Variants in CMIP observed in about 807,000 individuals in gnomAD.
CMIP encodes C-Maf-inducing protein.
A neutral mutation model predicts 97.3 loss-of-function variants in CMIP; 13 were observed. The observed-to-expected ratio is 0.13, with a 90% CI of 0.09 to 0.21. The LOEUF (loss-of-function observed/expected upper bound fraction) is 0.21. Among genes scored for constraint, CMIP ranks in the 10% least tolerant of loss-of-function variants. CMIP has a pLI of 1.00. For missense variants in CMIP, 847 were observed against 1,024.9 expected (o/e 0.83, Z 2.37); for synonymous variants, 538 against 436.3 (o/e 1.23, Z -2.91).
In CMIP at chr16:81,673,514, TC is replaced by T. The variant is rs755555682; in HGVS notation, c.1034+1445del. On this transcript the variant is annotated intron_variant, in intron 9 of 20. Transcript: ENST00000537098. ...CTGTGCAACAGAGTGAGACTCCTTCTCAAAAATAAATAAATAAATAAATAAG... is the reference window on the plus strand; with the variant it reads ...CTGTGCAACAGAGTGAGACTCCTTCTAAAAATAAATAAATAAATAAATAAG... 8.8e-3 allele frequency among the ~76,000 whole-genome samples: 1,149 copies of T among 130,264 alleles called. 25 individuals are homozygous for T. The East Asian group carries it at 0.097, about 11-fold the overall frequency. The allele number at this position is 130,264 out of a possible 152,430, so 85.5% of individuals were successfully genotyped here.
At chr16:81,683,647 C>A (rs574367588) in intron 10 of CMIP, among the ~76,000 whole-genome samples, 46 of 151,986 alleles carry the variant, frequency 3.0e-4, no homozygotes, top group African/African-American at 1.1e-3. Context: ...ACCTCAGCCT[C>A]CCAAAGATTA....
intron 12 of CMIP, 102 bp from the exon 13 acceptor site, chr16:81,693,337 G>A (rs1222613431): frequency 6.6e-7 from 1 of 1,504,052 alleles, no homozygotes; most frequent in Non-Finnish European, 9.1e-7. Context: ...GCCTTGCCCA[G>A]CTCCCTGGCC....
At chr16:81,591,171 T>A (rs2091461272) in intron 1 of CMIP, among the ~76,000 whole-genome samples, 1 of 152,258 alleles carries the variant, frequency 6.6e-6, no homozygotes, top group African/African-American at 2.4e-5. Flanking sequence ...ATTTCTCTTC[T>A]GTGGGCCTCA....
At position 81,652,142 on chromosome 16, in the gene CMIP, T is replaced by A. The variant is rs1302376052; in HGVS notation, c.478-61T>A. On this transcript the variant is annotated intron_variant, in intron 3 of 20. Coordinates refer to ENST00000537098, the MANE Select transcript of CMIP (RefSeq NM_198390.3). The surrounding 1 kb of genome is among the most constrained non-coding windows in gnomAD (Gnocchi z 5.2). Reference sequence around the variant, plus strand: ...AACCCATCTGATTCTTTGATTGTCTTCCATCTTCTGCCTTCCTTACGTGAG... The same window carrying A: ...AACCCATCTGATTCTTTGATTGTCTACCATCTTCTGCCTTCCTTACGTGAG... The A allele has an allele frequency of 7.3e-7, 1 of 1,377,282 alleles. No homozygotes were observed. Among genetic ancestry groups the A allele is most frequent in the African/African-American group, 1.4e-5 (1 of 70,090 alleles). 85.3% of individuals were successfully genotyped at this position (1,377,282 alleles called of 1,614,324 possible). A position where few individuals can be genotyped will look rare whatever the true frequency, so the allele number is the denominator to read the frequency against.
intron 1 of CMIP, among the ~76,000 whole-genome samples, chr16:81,552,235 G>T (rs772895732): frequency 2.0e-5 from 3 of 152,202 alleles, no homozygotes; most frequent in Non-Finnish European, 4.4e-5. Flanking sequence ...TTGTCTGCCT[G>T]TCTCTGACGT....
At position 81,494,581 on chromosome 16, in the gene CMIP, C is replaced by T. The variant is rs564495152; in HGVS notation, c.300+49040C>T. Among the ~76,000 whole-genome samples, 5 of 152,280 alleles carry T rather than the reference C, an allele frequency of 3.3e-5. 1 individual carries two copies. The East Asian group carries it at 5.8e-4, about 18-fold the overall frequency. On this transcript the variant is annotated intron_variant, in intron 1 of 20. Coordinates refer to ENST00000537098, the MANE Select transcript of CMIP (RefSeq NM_198390.3). ...AAAGAGGGTCAGGAGGAGCCCCAGCCGGCTCCCGTTCTGAGGAGGCACCTG... is the reference window on the plus strand; with the variant it reads ...AAAGAGGGTCAGGAGGAGCCCCAGCTGGCTCCCGTTCTGAGGAGGCACCTG...
At chr16:81,511,072 AC>A (rs748553040) in intron 1 of CMIP, among the ~76,000 whole-genome samples, 1 of 151,338 alleles carries the variant, frequency 6.6e-6, no homozygotes, top group Non-Finnish European at 1.5e-5. Flanking sequence ...AGTAAAATGA[AC>A]CCCCATGTAC....
intron 1 of CMIP, among the ~76,000 whole-genome samples, chr16:81,565,515 C>T (rs2090963895): frequency 6.6e-6 from 1 of 152,214 alleles, no homozygotes; most frequent in African/African-American, 2.4e-5. Context: ...AGACCATCTG[C>T]CCTTCTCACT....
Position 81,652,134 on chromosome 16 carries a change from G to C in CMIP, c.478-69G>C, listed in dbSNP as rs546329275. The C allele has an allele frequency of 1.3e-4, 177 of 1,311,194 alleles. No individual in the cohort carries two copies. The highest frequency in any genetic ancestry group is 2.9e-4 in the South Asian group (23 of 79,444). 81.2% of individuals were successfully genotyped at this position (1,311,194 alleles called of 1,614,324 possible). A position where few individuals can be genotyped will look rare whatever the true frequency, so the allele number is the denominator to read the frequency against. ...TACACCCTAACCCATCTGATTCTTTGATTGTCTTCCATCTTCTGCCTTCCT... is the reference window on the plus strand; with the variant it reads ...TACACCCTAACCCATCTGATTCTTTCATTGTCTTCCATCTTCTGCCTTCCT... On this transcript the variant is annotated intron_variant, in intron 3 of 20. Coordinates refer to ENST00000537098, the MANE Select transcript of CMIP (RefSeq NM_198390.3). This position sits in a 1 kb window ranked among gnomAD's most constrained non-coding sequence, Gnocchi z 5.2.
At chr16:81,515,297 A>C (rs2089891350) in intron 1 of CMIP, among the ~76,000 whole-genome samples, 1 of 152,196 alleles carries the variant, frequency 6.6e-6, no homozygotes, top group Non-Finnish European at 1.5e-5. Flanking sequence ...TCACAGCTGA[A>C]AGGAACACCT....
intron 2 of CMIP, chr16:81,619,295 C>T (rs547057429): frequency 6.6e-6 from 1 of 152,362 alleles, no homozygotes; most frequent in East Asian, 1.9e-4. Flanking sequence ...GAGCCTGAGT[C>T]CTCACCACAC....
In CMIP at chr16:81,485,109, C is replaced by T. The variant is rs139247531; in HGVS notation, c.300+39568C>T. 2.0e-3 allele frequency among the ~76,000 whole-genome samples: 307 copies of T among 152,252 alleles called. 1 individual carries two copies. The highest frequency in any genetic ancestry group is 3.3e-3 in the Non-Finnish European group (224 of 68,020). ...TCATTTGCTGTGTATGGGGCTCAGACGTCTTATTTTTTATTCCGACATCAT... is the reference window on the plus strand; with the variant it reads ...TCATTTGCTGTGTATGGGGCTCAGATGTCTTATTTTTTATTCCGACATCAT... On this transcript the variant is annotated intron_variant, in intron 1 of 20. Transcript: ENST00000537098.
intron 15 of CMIP, 90 bp downstream of exon 15, chr16:81,699,891 C>A: frequency 1.1e-6 from 1 of 882,438 alleles, no homozygotes; most frequent in Non-Finnish European, 1.8e-6. Context: ...CCAGGAGCTG[C>A]TGCAGGCACG....
chr16:81,457,404 CCACCTGGAAAT>C (rs1320796045), intron 1 of CMIP, among the ~76,000 whole-genome samples: 1 of 152,194 alleles, frequency 6.6e-6, no homozygotes, highest in Non-Finnish European at 1.5e-5. Flanking sequence ...CAGAATCCCA[CCACCTGGAAAT>C]CACCCGTATT....
At chr16:81,637,130 G>A (rs1026028091) in intron 3 of CMIP, among the ~76,000 whole-genome samples, 2 of 152,128 alleles carry the variant, frequency 1.3e-5, no homozygotes, top group Admixed American at 1.3e-4. Context: ...GAGTGCAGTG[G>A]CACAATCTTG....
intron 11 of CMIP, 148 bp from the exon 12 acceptor site, chr16:81,693,010 G>A (rs1906274312): frequency 3.0e-6 from 2 of 656,080 alleles, no homozygotes; most frequent in South Asian, 1.8e-5. Context: ...CTTTGAGTGG[G>A]GACAAAATGT....
chr16:81,552,912 G>T (rs1469410238), intron 1 of CMIP, among the ~76,000 whole-genome samples: 9 of 152,312 alleles, frequency 5.9e-5, no homozygotes, highest in African/African-American at 1.2e-4. Flanking sequence ...GGAGCTGCCA[G>T]TCCTTTCCAA....
chr16:81,474,030 A>C (rs534170144), intron 1 of CMIP, among the ~76,000 whole-genome samples: 1 of 152,070 alleles, frequency 6.6e-6, no homozygotes, highest in South Asian at 2.1e-4. Context: ...TCCTGTGATC[A>C]TCCCCATTCT....
intron 1 of CMIP, among the ~76,000 whole-genome samples, chr16:81,586,144 G>T (rs981124322): frequency 2.6e-5 from 4 of 151,758 alleles, no homozygotes; most frequent in African/African-American, 9.7e-5. Context: ...GGTCTAAACA[G>T]CTACTTGTAG....
Sources: gnomAD v4.1 joint callset for allele counts (sites outside exome capture counted in the v4.1 genomes callset) on GRCh38, gnomAD v4.1.1 for gene constraint, Gnocchi (gnomAD v3.1) non-coding constraint, MANE v1.5 for transcripts, NCBI Gene and HGNC (gene_info 2026-07-23, HGNC 2026-07-21) for gene names.